TNPO3: variants seen among roughly 807,000 people sequenced by gnomAD.
The protein encoded by TNPO3 is transportin 3, also known as transportin-3.
Under a neutral mutation model 122.8 loss-of-function variants are expected in TNPO3, and 65 were observed. That is an observed-to-expected ratio of 0.53 (90% CI 0.43 to 0.65). The LOEUF (loss-of-function observed/expected upper bound fraction) is 0.65. TNPO3 is among the 30% of genes least tolerant of loss of function. The pLI is 0.00. For missense variants in TNPO3, 850 were observed against 1,136.7 expected, an observed-to-expected ratio of 0.75 and a Z score of 3.63; for synonymous variants, 372 against 411.2, an observed-to-expected ratio of 0.90 and a Z score of 1.15.
chr7:129,006,489 C>G (rs549156715), intron 4 of TNPO3, among the ~76,000 whole-genome samples: 1 of 152,210 alleles, frequency 6.6e-6, no homozygotes, highest in Non-Finnish European at 1.5e-5. Flanking sequence ...CTCAATGTTT[C>G]TCCTTGTAGT....
At chr7:128,959,266 C>T (rs1797203711) in intron 21 of TNPO3, among the ~76,000 whole-genome samples, 1 of 152,156 alleles carries the variant, frequency 6.6e-6, no homozygotes, top group African/African-American at 2.4e-5. Flanking sequence ...ACAGAAAACC[C>T]TGAAAGTTAG....
chr7:129,041,125 G>C (rs1428627938), intron 1 of TNPO3, among the ~76,000 whole-genome samples: 1 of 152,066 alleles, frequency 6.6e-6, no homozygotes, highest in African/African-American at 2.4e-5. Flanking sequence ...CGAGCTTTCA[G>C]AGGCCTAGGC....
chr7:129,036,027 C>T (rs1240918902), intron 1 of TNPO3, among the ~76,000 whole-genome samples: 2 of 145,872 alleles, frequency 1.4e-5, no homozygotes, highest in Non-Finnish European at 3.0e-5. Flanking sequence ...GATCTCAGCT[C>T]ACTGTAATCA....
chr7:129,019,777 T>C (rs1433082980), intron 1 of TNPO3, among the ~76,000 whole-genome samples: 10 of 152,006 alleles, frequency 6.6e-5, no homozygotes, highest in African/African-American at 4.8e-5. Flanking sequence ...GCAGATCACC[T>C]AAGGTCAGGA....
At chr7:129,002,156 C>T (rs1409884647) in intron 5 of TNPO3, among the ~76,000 whole-genome samples, 1 of 152,204 alleles carries the variant, frequency 6.6e-6, no homozygotes, top group Non-Finnish European at 1.5e-5. Context: ...CAGCCTACAA[C>T]TTAATACCTA....
At chr7:128,969,846 C>T (rs1225189768) in intron 20 of TNPO3, among the ~76,000 whole-genome samples, 1 of 152,214 alleles carries the variant, frequency 6.6e-6, no homozygotes, top group Non-Finnish European at 1.5e-5. Flanking sequence ...GACATTTGGG[C>T]ATCTCTCACA....
At chr7:128,986,579 A>G in intron 12 of TNPO3, 150 bp downstream of exon 12, 2 of 651,292 alleles carry the variant, frequency 3.1e-6, no homozygotes, top group Non-Finnish European at 5.2e-6. Flanking sequence ...AGTCAACACT[A>G]TCCCCTCTAG....
At position 128,995,696 on chromosome 7, in the gene TNPO3, T is replaced by C. The variant is rs1457516961; in HGVS notation, c.1158+1693A>G. Among the ~76,000 whole-genome samples the C allele has an allele frequency of 2.6e-5, 3 of 113,920 alleles. No homozygotes were observed. The East Asian group carries it at 7.7e-4, about 29-fold the overall frequency. 74.7% of individuals were successfully genotyped at this position (113,920 alleles called of 152,430 possible). A position where few individuals can be genotyped will look rare whatever the true frequency, so the allele number is the denominator to read the frequency against. On this transcript the variant is annotated intron_variant, in intron 8 of 22. Coordinates refer to ENST00000265388, the MANE Select transcript of TNPO3 (RefSeq NM_012470.4). ...TAAAATGTGGTTGAAGACAGGAGTC[T>C]TCACTTTATTTTATTTTTTTGAGAC...
chr7:129,014,578 GA>G (rs199519294), intron 4 of TNPO3, among the ~76,000 whole-genome samples: 18 of 150,268 alleles, frequency 1.2e-4, no homozygotes, highest in African/African-American at 4.1e-4. Flanking sequence ...GTATCAATTA[GA>G]AAAAAAAAGA....
intron 21 of TNPO3, among the ~76,000 whole-genome samples, chr7:128,959,630 T>G (rs1797241209): frequency 1.3e-5 from 2 of 152,234 alleles, no homozygotes; most frequent in African/African-American, 4.8e-5. Flanking sequence ...CAACTTGGCT[T>G]CTGCCCCAAT....
At chr7:128,963,897 G>A (rs1358286426) in intron 21 of TNPO3, among the ~76,000 whole-genome samples, 1 of 152,178 alleles carries the variant, frequency 6.6e-6, no homozygotes, top group East Asian at 1.9e-4. Context: ...TGCACATAGT[G>A]CAGAAAGTTA....
Position 129,048,500 on chromosome 7 carries a change from G to A in TNPO3, c.120+6151C>T, listed in dbSNP as rs369021325. On this transcript the variant is annotated intron_variant, in intron 1 of 22. Coordinates refer to ENST00000265388, the MANE Select transcript of TNPO3 (RefSeq NM_012470.4). ...AGCCAAGATGGTGCCACTGCACTCC[G>A]GCCTGGGCAACAGAGTGAGACTCTG... 2.4e-3 allele frequency among the ~76,000 whole-genome samples: 364 copies of A among 151,638 alleles called. 2 individuals carry two copies. The highest frequency in any genetic ancestry group is 8.1e-3 in the African/African-American group (335 of 41,326).
At position 128,963,048 on chromosome 7, in the gene TNPO3, G is replaced by A. The variant is rs375499357; in HGVS notation, c.2711+4232C>T. 4.6e-5 allele frequency among the ~76,000 whole-genome samples: 7 copies of A among 152,308 alleles called. No individual in the cohort carries two copies. The South Asian group carries it at 1.2e-3, about 27-fold the overall frequency. On this transcript the variant is annotated intron_variant, in intron 21 of 22. Coordinates refer to ENST00000265388, the MANE Select transcript of TNPO3 (RefSeq NM_012470.4). ...TAGAGTCAACAGGAGACATGCCCCAGCTAGTTTTGCAAGTACATAATGACA... is the reference window on the plus strand; with the variant it reads ...TAGAGTCAACAGGAGACATGCCCCAACTAGTTTTGCAAGTACATAATGACA...
At chr7:129,050,134 A>T (rs1472333697) in intron 1 of TNPO3, among the ~76,000 whole-genome samples, 1 of 152,052 alleles carries the variant, frequency 6.6e-6, no homozygotes, top group East Asian at 1.9e-4. Flanking sequence ...CTGTAATCCC[A>T]GCACTTTGGG....
At chr7:128,985,032 C>G (rs1800003075) in intron 12 of TNPO3, among the ~76,000 whole-genome samples, 2 of 152,142 alleles carry the variant, frequency 1.3e-5, no homozygotes, top group South Asian at 4.1e-4. Context: ...GAAACACCTT[C>G]CCCAAATCCA....
intron 1 of TNPO3, among the ~76,000 whole-genome samples, chr7:129,040,599 C>T (rs545727104): frequency 1.3e-5 from 2 of 151,718 alleles, no homozygotes; most frequent in Admixed American, 6.6e-5. Context: ...AATTACCTCT[C>T]GTTAAAAAAA....
At chr7:128,993,250 T>C (rs1800943776) in intron 9 of TNPO3, among the ~76,000 whole-genome samples, 1 of 152,090 alleles carries the variant, frequency 6.6e-6, no homozygotes, top group Non-Finnish European at 1.5e-5. Context: ...ATTAAACTAA[T>C]GTTAAGTGAT....
intron 1 of TNPO3, among the ~76,000 whole-genome samples, chr7:129,042,043 C>A (rs1456778424): frequency 2.6e-5 from 4 of 152,154 alleles, no homozygotes; most frequent in African/African-American, 4.8e-5. Context: ...CAAGCACACA[C>A]CCAGACAGGC....
chr7:128,982,206 A>G, intron 14 of TNPO3, 42 bp downstream of exon 14: 1 of 1,537,520 alleles, frequency 6.5e-7, no homozygotes, highest in Non-Finnish European at 9.0e-7. Context: ...GTTTCATTTG[A>G]GCCTTTAACC....
Sources: allele counts gnomAD v4.1 joint callset (sites outside exome capture counted in the v4.1 genomes callset), GRCh38; gene constraint gnomAD v4.1.1; transcripts MANE v1.5; gene names NCBI Gene and HGNC (gene_info 2026-07-23, HGNC 2026-07-21).